The following PDCD6 variants were observed in gnomAD, a reference collection of about 807,000 sequenced individuals.
The protein encoded by PDCD6 is programmed cell death 6, also known as programmed cell death protein 6.
Under a neutral mutation model 28.3 loss-of-function variants are expected in PDCD6, and 12 were observed. That is an observed-to-expected ratio of 0.42 (90% CI 0.27 to 0.69). The LOEUF (loss-of-function observed/expected upper bound fraction) is 0.69, where lower values mean the gene tolerates loss of function less well. Among genes scored for constraint, PDCD6 ranks in the 30% least tolerant of loss-of-function variants. The pLI is 0.22. For missense variants in PDCD6, 226 were observed against 269.9 expected (o/e 0.84, Z 1.14); for synonymous variants, 92 against 108.0 (o/e 0.85, Z 0.92).
At chr5:286,365 G>A (rs141693465) in intron 2 of PDCD6, among the ~76,000 whole-genome samples, 269 of 151,802 alleles carry the variant, frequency 1.8e-3, no homozygotes, top group Non-Finnish European at 3.2e-3. Flanking sequence ...CGTGCAGCTG[G>A]AGATCCGGGG....
intron 2 of PDCD6, chr5:290,307 A>C (rs7731089): frequency 0.16 from 205,979 of 1,326,866 alleles, 22,287 homozygotes; most frequent in African/African-American, 0.54. Context: ...CCTCCTGGAG[A>C]CTCTCAACGT....
Position 311,347 on chromosome 5 carries a change from AG to A in PDCD6, c.425del (p.Gly142AspfsTer20). ...HDILIRKFDR[Q>X]GRGQIAFDDF... ...ATCCTCATTCGAAAGTTTGACAGGC[AG>A]GGACGGGGGCAGATTGCCTTCGACG... On this transcript the variant is annotated frameshift_variant, in exon 5 of 6. Coordinates refer to ENST00000264933, the MANE Select transcript of PDCD6 (RefSeq NM_013232.4). The A allele has an allele frequency of 6.2e-7, 1 of 1,614,136 alleles. No individual in the cohort carries two copies. The highest frequency in any genetic ancestry group is 8.5e-7 in the Non-Finnish European group (1 of 1,180,006).
At chr5:274,927 G>A (rs1244130356) in intron 2 of PDCD6, among the ~76,000 whole-genome samples, 4 of 152,128 alleles carry the variant, frequency 2.6e-5, no homozygotes, top group Non-Finnish European at 5.9e-5. Flanking sequence ...TTGCCTGATG[G>A]GTGCTGAGTC....
chr5:291,053 A>G lies in PDCD6; in HGVS notation c.164-13124A>G, dbSNP rs377527004. ...TTTAGGGAGTAGAATCTCAAGAAAC[A>G]TAACTGTGGATGCTCCCTGGAGGCC... On this transcript the variant is annotated intron_variant, in intron 2 of 5. Transcript: ENST00000264933. Among the ~76,000 whole-genome samples, 17 of 152,354 alleles carry G rather than the reference A, an allele frequency of 1.1e-4. No individual in the cohort carries two copies. In the South Asian group the frequency reaches 3.5e-3, roughly 32 times the overall value.
intron 2 of PDCD6, among the ~76,000 whole-genome samples, chr5:274,561 T>C (rs959413948): frequency 6.6e-6 from 1 of 152,244 alleles, no homozygotes; most frequent in African/African-American, 2.4e-5. Flanking sequence ...CTGTGAGTAT[T>C]AGTAGTAGCT....
chr5:291,726 C>A (rs1739325732), intron 2 of PDCD6, among the ~76,000 whole-genome samples: 1 of 152,160 alleles, frequency 6.6e-6, no homozygotes, highest in African/African-American at 2.4e-5. Context: ...CCCACCCACA[C>A]TGACATGGTT....
At chr5:298,694 T>TCCCC (rs1739779823) in intron 2 of PDCD6, among the ~76,000 whole-genome samples, 1 of 86,906 alleles carries the variant, frequency 1.2e-5, no homozygotes, top group Non-Finnish European at 2.2e-5. Context: ...ACTCAGCTGC[T>TCCCC]CCCACTCAGC....
At chr5:284,878 A>G (rs1404709457) in intron 2 of PDCD6, among the ~76,000 whole-genome samples, 43 of 109,490 alleles carry the variant, frequency 3.9e-4, no homozygotes, top group East Asian at 1.4e-3. Context: ...ACCCCGCGGG[A>G]AGCTGATGTT....
intron 2 of PDCD6, among the ~76,000 whole-genome samples, chr5:303,748 G>A (rs1740285877): frequency 1.3e-5 from 2 of 149,490 alleles, no homozygotes; most frequent in South Asian, 4.2e-4. Flanking sequence ...GTGTCTGCAG[G>A]CAGTGGTGGC....
In PDCD6 at chr5:314,458, C is replaced by A. The variant is rs144783509; in HGVS notation, c.519C>A (p.Asp173Glu). ...DIFRRYDTDQDGWIQVSYEQY... is the reference protein window; with the variant it reads ...DIFRRYDTDQEGWIQVSYEQY... The stretch of plus-strand genomic sequence containing the variant: ...TCAGACGTTACGACACGGATCAGGA[C>A]GGCTGGATTCAGGTGTCGTACGAAC... Residue 173 changes from aspartate (D) to glutamate (E), a missense_variant, in exon 6 of 6, where the codon GAC becomes GAA. Asp to Glu is a conservative substitution (Grantham distance 45). Transcript: ENST00000264933. The A allele has an allele frequency of 6.2e-7, 1 of 1,613,718 alleles. No homozygotes were observed. Among genetic ancestry groups the A allele is most frequent in the East Asian group, 2.2e-5 (1 of 44,894 alleles).
In PDCD6 at chr5:290,071, T is replaced by G. The variant is rs186487747; in HGVS notation, c.164-14106T>G. ...TCCAGTGACAATTCTCAGTATTCTTTCCTTCATTTCATCAAAGGGAATATA... is the reference window on the plus strand; with the variant it reads ...TCCAGTGACAATTCTCAGTATTCTTGCCTTCATTTCATCAAAGGGAATATA... On this transcript the variant is annotated intron_variant, in intron 2 of 5. Coordinates refer to ENST00000264933, the MANE Select transcript of PDCD6 (RefSeq NM_013232.4). 29 of 1,582,046 alleles carry G rather than the reference T, an allele frequency of 1.8e-5. No individual in the cohort carries two copies. In the East Asian group the frequency reaches 6.0e-4, roughly 33 times the overall value.
chr5:277,406 A>G (rs1414914018), intron 2 of PDCD6, among the ~76,000 whole-genome samples: 1 of 144,858 alleles, frequency 6.9e-6, no homozygotes, highest in Non-Finnish European at 1.5e-5. Flanking sequence ...GGTTCATGCC[A>G]TTCTCCTGCC....
chr5:302,107 T>TGA (rs113802406), intron 2 of PDCD6, among the ~76,000 whole-genome samples: 1 of 111,594 alleles, frequency 9.0e-6, no homozygotes, highest in Non-Finnish European at 1.8e-5. Context: ...TGTGTGTGTG[T>TGA]GCCTTGGGTT....
At chr5:303,032 T>C (rs1470476350) in intron 2 of PDCD6, among the ~76,000 whole-genome samples, 2 of 152,124 alleles carry the variant, frequency 1.3e-5, no homozygotes, top group Non-Finnish European at 2.9e-5. Flanking sequence ...GCTGGGAGAA[T>C]GTGGTACCCC....
At chr5:289,828 G>C in intron 2 of PDCD6, 2 of 1,374,214 alleles carry the variant, frequency 1.5e-6, no homozygotes, top group Non-Finnish European at 2.1e-6. Context: ...ATTTACATTA[G>C]ACCTCTCAGG....
At chr5:299,766 G>T (rs955072427) in intron 2 of PDCD6, among the ~76,000 whole-genome samples, 1 of 152,128 alleles carries the variant, frequency 6.6e-6, no homozygotes, top group East Asian at 1.9e-4. Context: ...AGCCAGGATG[G>T]TCTCGATCTC....
intron 2 of PDCD6, among the ~76,000 whole-genome samples, chr5:303,297 TAAAA>T (rs34022166): frequency 3.1e-5 from 4 of 129,228 alleles, no homozygotes; most frequent in Admixed American, 1.6e-4. Context: ...TTTTTGTGCA[TAAAA>T]AAAAAAAAAA....
chr5:294,190 A>T (rs1307254297), intron 2 of PDCD6, among the ~76,000 whole-genome samples: 1 of 151,898 alleles, frequency 6.6e-6, no homozygotes, highest in Non-Finnish European at 1.5e-5. Flanking sequence ...TAAAAGATTG[A>T]CAAATTAAAT....
chr5:312,982 C>G (rs1402547529), intron 5 of PDCD6, among the ~76,000 whole-genome samples: 1 of 152,232 alleles, frequency 6.6e-6, no homozygotes, highest in African/African-American at 2.4e-5. Context: ...TGTGAGCTTT[C>G]GGTAGCTGGA....
Sources: gnomAD v4.1 joint callset for allele counts (sites outside exome capture counted in the v4.1 genomes callset) on GRCh38, gnomAD v4.1.1 for gene constraint, MANE v1.5 for transcripts, NCBI Gene and HGNC (gene_info 2026-07-23, HGNC 2026-07-21) for gene names.